Variants in PPP3CA observed in about 807,000 individuals in gnomAD.
PPP3CA encodes CAM-PRP catalytic subunit.
A neutral mutation model predicts 66.5 loss-of-function variants in PPP3CA; 14 were observed. The observed-to-expected ratio is 0.21, with a 90% CI of 0.14 to 0.33. The LOEUF (loss-of-function observed/expected upper bound fraction) is 0.33. PPP3CA is among the 10% of genes least tolerant of loss of function. The pLI, the probability that PPP3CA is intolerant of heterozygous loss-of-function variation, is 1.00. For missense variants in PPP3CA, 317 were observed against 639.5 expected (o/e 0.50, Z 5.44); for synonymous variants, 232 against 226.2 (o/e 1.03, Z -0.23).
chr4:101,328,013 C>A (rs911994385), intron 1 of PPP3CA, among the ~76,000 whole-genome samples: 7 of 152,164 alleles, frequency 4.6e-5, no homozygotes, highest in Admixed American at 1.3e-4. Flanking sequence ...AAAATATGAA[C>A]CTAAGCTGAT....
At chr4:101,251,880 G>C (rs1726689071) in intron 1 of PPP3CA, among the ~76,000 whole-genome samples, 1 of 152,012 alleles carries the variant, frequency 6.6e-6, no homozygotes. Flanking sequence ...GATACCAAAG[G>C]TACTGACTGT....
intron 2 of PPP3CA, among the ~76,000 whole-genome samples, chr4:101,176,850 G>A (rs1344192952): frequency 1.3e-5 from 2 of 151,982 alleles, no homozygotes; most frequent in African/African-American, 4.8e-5. Context: ...AATATCAATA[G>A]ATATACGATA....
intron 1 of PPP3CA, among the ~76,000 whole-genome samples, chr4:101,261,660 C>T (rs1727013365): frequency 6.6e-6 from 1 of 151,986 alleles, no homozygotes; most frequent in African/African-American, 2.4e-5. Flanking sequence ...ACTTCACTTT[C>T]TTCAAAAGTA....
intron 8 of PPP3CA, among the ~76,000 whole-genome samples, chr4:101,068,838 C>A (rs1234374707): frequency 2.0e-5 from 3 of 152,084 alleles, no homozygotes; most frequent in Non-Finnish European, 2.9e-5. Context: ...GTATTCATAA[C>A]TTTTACTCTT....
At chr4:101,216,803 G>T (rs1725471923) in intron 1 of PPP3CA, among the ~76,000 whole-genome samples, 1 of 151,874 alleles carries the variant, frequency 6.6e-6, no homozygotes, top group African/African-American at 2.4e-5. Flanking sequence ...AGTCCACCTG[G>T]GCCTCCCAAA....
At chr4:101,216,123 T>G (rs1252228595) in intron 1 of PPP3CA, among the ~76,000 whole-genome samples, 1 of 152,144 alleles carries the variant, frequency 6.6e-6, no homozygotes, top group Non-Finnish European at 1.5e-5. Context: ...TGAGATGAAT[T>G]TTTTTGGCTG....
intron 1 of PPP3CA, among the ~76,000 whole-genome samples, chr4:101,254,206 T>C (rs1296826051): frequency 1.3e-5 from 2 of 152,022 alleles, no homozygotes; most frequent in Non-Finnish European, 2.9e-5. Context: ...CTGCCTGAAG[T>C]ACTAATACTG....
Position 101,117,444 on chromosome 4 carries a change from T to TC in PPP3CA, c.260-8367_260-8366insG, listed in dbSNP as rs1721876083. ...AGATGAGTGTTCTCACCACTGAGAT[T>TC]TTTTTTTGCAGTTTTTCCTCCATTG... On this transcript the variant is annotated intron_variant, in intron 2 of 13. Transcript: ENST00000394854. Among the ~76,000 whole-genome samples the TC allele has an allele frequency of 1.9e-4, 23 of 120,960 alleles. No individual in the cohort carries two copies. The Admixed American group carries it at 2.3e-3, about 12-fold the overall frequency. The allele number at this position is 120,960 out of a possible 152,430, so 79.4% of individuals were successfully genotyped here.
chr4:101,294,373 C>A (rs1728126110), intron 1 of PPP3CA, among the ~76,000 whole-genome samples: 1 of 152,170 alleles, frequency 6.6e-6, no homozygotes, highest in Admixed American at 6.5e-5. Flanking sequence ...TAGGAACCAT[C>A]AAATTAGGCT....
intron 8 of PPP3CA, 128 bp from the exon 9 acceptor site, chr4:101,063,485 C>T (rs144199831): frequency 1.9e-6 from 2 of 1,073,038 alleles, no homozygotes; most frequent in African/African-American, 3.2e-5. Context: ...ACACCTTAGG[C>T]ATCCCAGAAT....
intron 8 of PPP3CA, among the ~76,000 whole-genome samples, chr4:101,071,156 A>C (rs1395788154): frequency 6.6e-6 from 1 of 152,128 alleles, no homozygotes; most frequent in African/African-American, 2.4e-5. Context: ...AATAAGGGTA[A>C]CTGTACTCTG....
chr4:101,191,819 G>A (rs1724612130), intron 2 of PPP3CA, among the ~76,000 whole-genome samples: 1 of 152,128 alleles, frequency 6.6e-6, no homozygotes, highest in South Asian at 2.1e-4. Flanking sequence ...CAGGAACAAA[G>A]CCAGAGGGTT....
At chr4:101,272,673 T>C (rs541148327) in intron 1 of PPP3CA, among the ~76,000 whole-genome samples, 4 of 152,350 alleles carry the variant, frequency 2.6e-5, no homozygotes, top group Non-Finnish European at 4.4e-5. Flanking sequence ...AATAATGTTA[T>C]CTACCTCATG....
At chr4:101,141,936 G>A (rs138399568) in intron 2 of PPP3CA, among the ~76,000 whole-genome samples, 91 of 152,016 alleles carry the variant, frequency 6.0e-4, no homozygotes, top group African/African-American at 2.1e-3. Flanking sequence ...TATAATCTCA[G>A]ATTCCACTTA....
intron 10 of PPP3CA, among the ~76,000 whole-genome samples, chr4:101,053,924 A>G (rs553777099): frequency 7.2e-5 from 11 of 152,192 alleles, no homozygotes; most frequent in African/African-American, 2.6e-4. Context: ...TTCCTAAATT[A>G]TATCCCTACT....
intron 2 of PPP3CA, among the ~76,000 whole-genome samples, chr4:101,190,195 C>T (rs566139177): frequency 5.3e-5 from 8 of 152,118 alleles, no homozygotes; most frequent in Admixed American, 3.9e-4. Flanking sequence ...CTTAAAGCCA[C>T]GATAGTATTG....
intron 2 of PPP3CA, among the ~76,000 whole-genome samples, chr4:101,162,654 A>G (rs1723556159): frequency 6.6e-6 from 1 of 152,168 alleles, no homozygotes; most frequent in South Asian, 2.1e-4. Context: ...GCAACATTTG[A>G]CAATGAATTT....
chr4:101,292,081 A>AACACACAC (rs3974776), intron 1 of PPP3CA, among the ~76,000 whole-genome samples: 10 of 130,726 alleles, frequency 7.6e-5, no homozygotes, highest in South Asian at 2.9e-4. Context: ...TGAGCCCATG[A>AACACACAC]ACACACACAC....
intron 7 of PPP3CA, among the ~76,000 whole-genome samples, chr4:101,082,327 T>C (rs1023529300): frequency 3.9e-5 from 6 of 152,198 alleles, no homozygotes; most frequent in Non-Finnish European, 8.8e-5. Context: ...GATTCAGGGA[T>C]GTCATAGACA....
Sources: gnomAD v4.1 joint callset for allele counts (sites outside exome capture counted in the v4.1 genomes callset) on GRCh38, gnomAD v4.1.1 for gene constraint, MANE v1.5 for transcripts, NCBI Gene and HGNC (gene_info 2026-07-23, HGNC 2026-07-21) for gene names.